The following SUMF1 variants were observed in gnomAD, a reference collection of about 807,000 sequenced individuals.
SUMF1 encodes the protein sulfatase modifying factor 1.
Under a neutral mutation model 47.6 loss-of-function variants are expected in SUMF1, and 48 were observed. The observed-to-expected ratio is 1.01, with a 90% CI of 0.80 to 1.28. SUMF1 has a LOEUF of 1.28. Among genes scored for constraint, SUMF1 ranks in the 50% most tolerant of loss-of-function variants. SUMF1 has a pLI of 0.00. For synonymous variants in SUMF1, 230 were observed against 192.1 expected (o/e 1.20, Z -1.63); for missense variants, 571 against 485.4 (o/e 1.18, Z -1.66).
At chr3:4,213,384 G>A (rs1695843068) in intron 8 of SUMF1, among the ~76,000 whole-genome samples, 2 of 152,048 alleles carry the variant, frequency 1.3e-5, no homozygotes, top group African/African-American at 4.8e-5. Context: ...TCACCACCAG[G>A]CCTGCGTTAC....
intron 8 of SUMF1, among the ~76,000 whole-genome samples, chr3:4,228,024 T>A (rs1353938935): frequency 2.0e-5 from 3 of 151,962 alleles, no homozygotes; most frequent in Non-Finnish European, 2.9e-5. Flanking sequence ...ACACAATGTA[T>A]GCAAAGGCCC....
At position 4,152,518 on chromosome 3, in the gene SUMF1, C is replaced by T. The variant is rs7624788; in HGVS notation, c.1015-83773G>A. Among the ~76,000 whole-genome samples the T allele has an allele frequency of 2.9e-3, 431 of 150,970 alleles. 21 individuals are homozygous for T. The highest frequency in any genetic ancestry group is 9.9e-3 in the African/African-American group (402 of 40,532). On this transcript the variant is annotated intron_variant and NMD_transcript_variant, in intron 8 of 12. Coordinates refer to the SUMF1 transcript ENST00000448413. ...ATAGTGTCCAGGCTGGTCTCAAACT[C>T]CTGGGCTCAAGTGATCCTCCCTCCT...
In SUMF1 at chr3:4,428,371, G is replaced by A. The variant is rs973504586; in HGVS notation, c.520-8225C>T. ...GTTCTTCTTGTGCCTTTTTTTTTCT[G>A]GAGAGAGGGTCTTGCTCTGTCACCC... On this transcript the variant is annotated intron_variant, in intron 3 of 8. Coordinates refer to ENST00000272902, the MANE Select transcript of SUMF1 (RefSeq NM_182760.4). Among the ~76,000 whole-genome samples the A allele has an allele frequency of 6.2e-5, 9 of 145,642 alleles. No homozygotes were observed. In the East Asian group the frequency reaches 1.7e-3, roughly 28 times the overall value.
chr3:4,199,462 G>A (rs1695496602), intron 8 of SUMF1, among the ~76,000 whole-genome samples: 1 of 152,098 alleles, frequency 6.6e-6, no homozygotes, highest in African/African-American at 2.4e-5. Flanking sequence ...GTGCACATAT[G>A]ATTTCATTCC....
At chr3:4,139,115 A>G (rs1182043596) in intron 8 of SUMF1, among the ~76,000 whole-genome samples, 1 of 152,178 alleles carries the variant, frequency 6.6e-6, no homozygotes, top group African/African-American at 2.4e-5. Flanking sequence ...GATTAAACAT[A>G]AAATTTTATT....
chr3:4,410,991 AC>A lies in SUMF1; in HGVS notation c.841-14del. The A allele has an allele frequency of 6.2e-7, 1 of 1,607,240 alleles. No homozygotes were observed. Among genetic ancestry groups the A allele is most frequent in the Non-Finnish European group, 8.5e-7 (1 of 1,173,712 alleles). On this transcript the variant is annotated splice_polypyrimidine_tract_variant and intron_variant, in intron 6 of 8. Transcript: ENST00000272902. ...GGAAGGCATCAACCTAAAAACAAAG[AC>A]AGGAAAAATGCTGTCAAACTATTCA...
intron 6 of SUMF1, among the ~76,000 whole-genome samples, chr3:4,416,788 A>G (rs776301417): frequency 2.0e-5 from 3 of 152,248 alleles, no homozygotes; most frequent in Non-Finnish European, 4.4e-5. Context: ...CGCCATTATT[A>G]GCATCATCAA....
At chr3:4,374,326 G>C (rs1417846449) in intron 8 of SUMF1, among the ~76,000 whole-genome samples, 1 of 152,134 alleles carries the variant, frequency 6.6e-6, no homozygotes, top group Non-Finnish European at 1.5e-5. Flanking sequence ...AATGAGTTTT[G>C]CAAGGTTGCA....
At chr3:4,315,916 A>T (rs1698618953) in intron 8 of SUMF1, among the ~76,000 whole-genome samples, 1 of 152,000 alleles carries the variant, frequency 6.6e-6, no homozygotes, top group South Asian at 2.1e-4. Flanking sequence ...ATGTGGTGGC[A>T]CATGTCTGTA....
intron 8 of SUMF1, among the ~76,000 whole-genome samples, chr3:4,240,773 C>T (rs1443877503): frequency 2.0e-5 from 3 of 151,592 alleles, no homozygotes; most frequent in Non-Finnish European, 4.4e-5. Flanking sequence ...TACCAAATGT[C>T]ATCATTAAAA....
At chr3:4,036,493 G>C (rs550697111) in intron 9 of SUMF1, among the ~76,000 whole-genome samples, 20 of 152,072 alleles carry the variant, frequency 1.3e-4, no homozygotes, top group African/African-American at 4.6e-4. Flanking sequence ...AGGCTCTTTG[G>C]GGAAGACCTG....
At chr3:4,394,816 T>C (rs1700989766) in intron 7 of SUMF1, among the ~76,000 whole-genome samples, 1 of 152,218 alleles carries the variant, frequency 6.6e-6, no homozygotes, top group Non-Finnish European at 1.5e-5. Flanking sequence ...TATTTAGCTC[T>C]GTGATGAAGA....
chr3:4,214,067 A>G (rs962716034), intron 8 of SUMF1, among the ~76,000 whole-genome samples: 2 of 152,190 alleles, frequency 1.3e-5, no homozygotes, highest in African/African-American at 2.4e-5. Context: ...GACCTAATAG[A>G]TATCTACAGA....
chr3:4,072,707 T>C (rs1340476578), intron 8 of SUMF1, among the ~76,000 whole-genome samples: 2 of 151,956 alleles, frequency 1.3e-5, no homozygotes, highest in Admixed American at 6.6e-5. Flanking sequence ...CAATAGCTGA[T>C]TCGATCAAGC....
chr3:4,156,051 G>C (rs1221353138), intron 8 of SUMF1, among the ~76,000 whole-genome samples: 1 of 151,402 alleles, frequency 6.6e-6, no homozygotes, highest in Non-Finnish European at 1.5e-5. Context: ...GCACACCAGA[G>C]TACAAAAGTA....
At chr3:4,466,041 C>G (rs1435025194) in intron 1 of SUMF1, among the ~76,000 whole-genome samples, 1 of 152,108 alleles carries the variant, frequency 6.6e-6, no homozygotes, top group East Asian at 1.9e-4. Flanking sequence ...CCTTTAGACC[C>G]ATAAGTTGTT....
At chr3:4,376,211 A>T (rs1354669598) in intron 8 of SUMF1, 119 bp downstream of exon 8, 14 of 1,218,542 alleles carry the variant, frequency 1.1e-5, no homozygotes, top group Admixed American at 8.6e-5. Context: ...TTCTGGTTTC[A>T]GTGGGGTTAG....
In SUMF1 at chr3:4,254,180, A is replaced by C. The variant is rs1345737135; in HGVS notation, c.1014+122150T>G. Reference sequence around the variant, plus strand: ...GATGGGGAAAAAACAGAACAGAAAAACTGGAAACTCTAAAAAGCAGAGCGC... The same window carrying C: ...GATGGGGAAAAAACAGAACAGAAAACCTGGAAACTCTAAAAAGCAGAGCGC... On this transcript the variant is annotated intron_variant and NMD_transcript_variant, in intron 8 of 12. Coordinates refer to the SUMF1 transcript ENST00000448413. Among the ~76,000 whole-genome samples the C allele has an allele frequency of 2.0e-5, 3 of 152,026 alleles. 1 individual carries two copies. Among genetic ancestry groups the C allele is most frequent in the Non-Finnish European group, 4.4e-5 (3 of 67,948 alleles).
intron 8 of SUMF1, among the ~76,000 whole-genome samples, chr3:4,300,544 T>C (rs1192647741): frequency 6.6e-6 from 1 of 152,232 alleles, no homozygotes; most frequent in Non-Finnish European, 1.5e-5. Context: ...CTTTAATTTC[T>C]GTTCTCAAAC....
Sources: allele counts gnomAD v4.1 joint callset (sites outside exome capture counted in the v4.1 genomes callset), GRCh38; gene constraint gnomAD v4.1.1; transcripts MANE v1.5; gene names NCBI Gene and HGNC (gene_info 2026-07-23, HGNC 2026-07-21).